The following HIVEP3 variants were observed in gnomAD, a reference collection of about 807,000 sequenced individuals.
HIVEP3 encodes transcription factor HIVEP3.
Under a neutral mutation model 152.8 loss-of-function variants are expected in HIVEP3, and 49 were observed. That is an observed-to-expected ratio of 0.32 (90% CI 0.26 to 0.41). The LOEUF is 0.41. HIVEP3 is among the 10% of genes least tolerant of loss of function. The pLI, the probability that HIVEP3 is intolerant of heterozygous loss-of-function variation, is 1.00. For synonymous variants in HIVEP3, 1,269 were observed against 1,289.0 expected, an observed-to-expected ratio of 0.98 and a Z score of 0.33; for missense variants, 2,790 against 3,103.3, an observed-to-expected ratio of 0.90 and a Z score of 2.40.
At chr1:41,694,990 G>C (rs1394307681) in intron 2 of HIVEP3, among the ~76,000 whole-genome samples, 1 of 152,166 alleles carries the variant, frequency 6.6e-6, no homozygotes, top group Admixed American at 6.5e-5. Context: ...GGCCCAGAGG[G>C]GAATGCTATA....
chr1:41,908,892 C>T (rs1644755033), intron 1 of HIVEP3, among the ~76,000 whole-genome samples: 1 of 152,038 alleles, frequency 6.6e-6, no homozygotes, highest in African/African-American at 2.4e-5. Context: ...TAAGAATTTC[C>T]CATAACATAA....
chr1:41,902,254 T>C (rs1323621355), intron 1 of HIVEP3, among the ~76,000 whole-genome samples: 1 of 152,182 alleles, frequency 6.6e-6, no homozygotes. Context: ...ACTTAGGTCA[T>C]GTTCCCCCAA....
intron 1 of HIVEP3, among the ~76,000 whole-genome samples, chr1:41,897,987 G>A (rs1644561470): frequency 6.6e-6 from 1 of 150,514 alleles, no homozygotes; most frequent in Admixed American, 6.6e-5. Flanking sequence ...GAGAGGTGCT[G>A]GGAGAAGGAG....
rs527630791 is a variant in HIVEP3, at chr1:41,583,026, G to A, written c.1772C>T (p.Pro591Leu). Residue 591 changes from proline to leucine, a missense_variant, in exon 4 of 9, where the codon CCG becomes CTG. By Grantham distance (98) the Pro-to-Leu change is moderately conservative. Coordinates refer to ENST00000372583, the MANE Select transcript of HIVEP3 (RefSeq NM_024503.5). This position sits in a 1 kb window ranked among gnomAD's most constrained non-coding sequence, Gnocchi z 6.9. ...CCCTCCCAAAGGTAATTCGATTGCC[G>A]GCTGGCGCTTCAGCATCCGGGGGTG... The part of the protein sequence containing the change: ...TSHPRMLKRQ[P>L]AIELPLGGEY... The A allele has an allele frequency of 5.6e-6, 9 of 1,614,032 alleles. 1 individual carries two copies. The highest frequency in any genetic ancestry group is 5.0e-5 in the Admixed American group (3 of 60,006).
intron 3 of HIVEP3, among the ~76,000 whole-genome samples, chr1:41,599,127 G>A (rs2149122693): frequency 6.6e-6 from 1 of 152,238 alleles, no homozygotes; most frequent in South Asian, 2.1e-4. Flanking sequence ...TCAGTCACCT[G>A]ATTTACAAGA....
chr1:41,521,000 G>A (rs1642746189), intron 6 of HIVEP3, among the ~76,000 whole-genome samples: 1 of 152,192 alleles, frequency 6.6e-6, no homozygotes, highest in Non-Finnish European at 1.5e-5. Context: ...CAAGACTCGG[G>A]GGGCCTTTCC....
At chr1:41,609,453 G>C (rs568471333) in intron 3 of HIVEP3, among the ~76,000 whole-genome samples, 81 of 152,238 alleles carry the variant, frequency 5.3e-4, no homozygotes, top group Non-Finnish European at 7.9e-4. Context: ...GGCAGGCTGT[G>C]TTTGCCTTTG....
intron 1 of HIVEP3, among the ~76,000 whole-genome samples, chr1:41,843,936 C>T (rs1570651289): frequency 6.6e-6 from 1 of 152,100 alleles, no homozygotes; most frequent in East Asian, 1.9e-4. Flanking sequence ...CAACAGGCCC[C>T]AGTGTGTGAT....
chr1:41,696,222 G>A (rs984372820), intron 2 of HIVEP3, among the ~76,000 whole-genome samples: 1 of 152,258 alleles, frequency 6.6e-6, no homozygotes, highest in African/African-American at 2.4e-5. Flanking sequence ...GTCTCTCTCA[G>A]CTGTTCCAGC....
At chr1:41,866,548 C>A (rs1643978410) in intron 1 of HIVEP3, among the ~76,000 whole-genome samples, 1 of 36,696 alleles carries the variant, frequency 2.7e-5, no homozygotes. Flanking sequence ...GATCTGGACC[C>A]AGGACCAAGC....
chr1:41,517,734 CA>C (rs1642648762), intron 7 of HIVEP3, among the ~76,000 whole-genome samples: 1 of 152,210 alleles, frequency 6.6e-6, no homozygotes, highest in East Asian at 1.9e-4. Context: ...AGTGCTCAGC[CA>C]GACCCACTGG....
Position 42,023,215 on chromosome 1 carries a change from CAG to C in HIVEP3, n.119+12590_119+12591del, listed in dbSNP as rs565423775. On this transcript the variant is annotated intron_variant and non_coding_transcript_variant, in intron 1 of 3. Coordinates refer to the HIVEP3 transcript ENST00000489103. The stretch of plus-strand genomic sequence containing the variant: ...AGAGACAGGGTTTCACCATGCTGAC[CAG>C]GCTGGTCTCAAACTGCTGACTTCAA... Among the ~76,000 whole-genome samples, 746 of 152,124 alleles carry C rather than the reference CAG, an allele frequency of 4.9e-3. 8 individuals carry two copies. Among genetic ancestry groups the C allele is most frequent in the African/African-American group, 0.018 (727 of 41,488 alleles).
At chr1:41,636,521 A>G (rs185121902) in intron 2 of HIVEP3, among the ~76,000 whole-genome samples, 1 of 152,246 alleles carries the variant, frequency 6.6e-6, no homozygotes, top group Admixed American at 6.5e-5. Flanking sequence ...ATCAACAGTT[A>G]AAAAGCAAAT....
At chr1:41,888,231 T>C (rs1298834357) in intron 1 of HIVEP3, among the ~76,000 whole-genome samples, 2 of 147,968 alleles carry the variant, frequency 1.4e-5, no homozygotes, top group Non-Finnish European at 3.0e-5. Context: ...TTTTTGTATT[T>C]TTAGTAGAGA....
At chr1:41,699,997 T>C (rs961161277) in intron 2 of HIVEP3, among the ~76,000 whole-genome samples, 1 of 152,140 alleles carries the variant, frequency 6.6e-6, no homozygotes, top group Non-Finnish European at 1.5e-5. Context: ...TTGCTGTCCC[T>C]TGGGCTCAGA....
At chr1:41,567,598 C>T (rs573812164) in intron 5 of HIVEP3, among the ~76,000 whole-genome samples, 2 of 152,312 alleles carry the variant, frequency 1.3e-5, no homozygotes, top group African/African-American at 4.8e-5. Context: ...ATAGCCTAGA[C>T]CCACCCCAGA....
intron 1 of HIVEP3, among the ~76,000 whole-genome samples, chr1:41,903,888 ATTTTCCTT>A (rs1644666642): frequency 1.4e-5 from 2 of 143,518 alleles, no homozygotes; most frequent in Non-Finnish European, 3.0e-5. Flanking sequence ...AGTGCTGACC[ATTTTCCTT>A]TTTTTTTCTT....
At chr1:41,907,995 T>C (rs900577904) in intron 1 of HIVEP3, among the ~76,000 whole-genome samples, 9 of 152,164 alleles carry the variant, frequency 5.9e-5, no homozygotes, top group African/African-American at 2.2e-4. Context: ...CCTATAATTC[T>C]ATAAAAACTG....
In HIVEP3 at chr1:41,746,389, T is replaced by C. The variant is rs559951457; in HGVS notation, c.-800-45394A>G. Reference sequence around the variant, plus strand: ...GGACTGGCTGTGAAGTCCTCTCTCTTCTTTGCTTGGCACAGGAAGAAAGAG... The same window carrying C: ...GGACTGGCTGTGAAGTCCTCTCTCTCCTTTGCTTGGCACAGGAAGAAAGAG... On this transcript the variant is annotated intron_variant, in intron 1 of 8. Transcript: ENST00000372583. 1.3e-3 allele frequency among the ~76,000 whole-genome samples: 198 copies of C among 152,336 alleles called. 1 individual carries two copies. The highest frequency in any genetic ancestry group is 6.8e-3 in the Middle Eastern group (2 of 294).
Sources: gnomAD v4.1 joint callset for allele counts (sites outside exome capture counted in the v4.1 genomes callset) on GRCh38, gnomAD v4.1.1 for gene constraint, Gnocchi (gnomAD v3.1) non-coding constraint, MANE v1.5 for transcripts, NCBI Gene and HGNC (gene_info 2026-07-23, HGNC 2026-07-21) for gene names.